PCDHA6: variants seen among roughly 807,000 people sequenced by gnomAD.
PCDHA6 encodes the protein protocadherin alpha 6, also known as protocadherin alpha-6.
A neutral mutation model predicts 60.3 loss-of-function variants in PCDHA6; 55 were observed. That is an observed-to-expected ratio of 0.91 (90% CI 0.73 to 1.14). The LOEUF (loss-of-function observed/expected upper bound fraction) is 1.14, where lower values mean the gene tolerates loss of function less well. PCDHA6 is among the 50% of genes most tolerant of loss of function. The pLI is 0.00. For synonymous variants in PCDHA6, 652 were observed against 557.9 expected, an observed-to-expected ratio of 1.17 and a Z score of -2.38; for missense variants, 1,327 against 1,256.5, an observed-to-expected ratio of 1.06 and a Z score of -0.85.
Position 140,829,036 on chromosome 5 carries a change from A to T in PCDHA6, c.945A>T (p.Leu315Phe). 4.3e-6 allele frequency: 7 copies of T among 1,613,076 alleles called. No individual in the cohort carries two copies. Among genetic ancestry groups the T allele is most frequent in the Non-Finnish European group, 5.9e-6 (7 of 1,179,022 alleles). ...ATTTGGATTTTGAACAAGAAAACTTATACAAAATCCTCATTGACGCCACGG... is the reference window on the plus strand; with the variant it reads ...ATTTGGATTTTGAACAAGAAAACTTTTACAAAATCCTCATTGACGCCACGG... Reference protein sequence around the residue: ...RGNLDFEQENLYKILIDATDK... With the variant: ...RGNLDFEQENFYKILIDATDK... Residue 315 changes from leucine to phenylalanine, a missense_variant, in exon 1 of 4, where the codon TTA becomes TTT. Transcript: ENST00000529310.
rs2150326253 is a variant in PCDHA6 at position 140,841,946 on chromosome 5, C to A, written c.2394+11461C>A. 13 of 1,613,790 alleles carry A rather than the reference C, an allele frequency of 8.1e-6. No homozygotes were observed. The highest frequency in any genetic ancestry group is 2.7e-5 in the African/African-American group (2 of 74,876). ...GGACAGAGAGGACGCTCCTGCGCAC[C>A]ACTTATTCCTGACAGCCACAGATGG... On this transcript the variant is annotated intron_variant, in intron 1 of 3. Coordinates refer to ENST00000529310, the MANE Select transcript of PCDHA6 (RefSeq NM_018909.4).
chr5:140,828,077 C>G lies in PCDHA6; in HGVS notation c.-15C>G, dbSNP rs2150150614. ...GGAAGATCTTCTAATGGAAATAAAA[C>G]CAGAGGTATTTGACATGGTGTTTAC... On this transcript the variant is annotated 5_prime_UTR_variant, in exon 1 of 4. Transcript: ENST00000529310. 2 of 1,577,254 alleles carry G rather than the reference C, an allele frequency of 1.3e-6. No homozygotes were observed. The highest frequency in any genetic ancestry group is 1.2e-5 in the South Asian group (1 of 85,056).
chr5:140,927,294 C>T (rs781944508), intron 1 of PCDHA6: 10 of 1,614,062 alleles, frequency 6.2e-6, no homozygotes, highest in South Asian at 3.3e-5. Context: ...TGCACATCCC[C>T]GAGTTCCTGA....
At chr5:140,874,111 G>A (rs977519429) in intron 1 of PCDHA6, among the ~76,000 whole-genome samples, 2 of 152,174 alleles carry the variant, frequency 1.3e-5, no homozygotes, top group African/African-American at 2.4e-5. Flanking sequence ...ATTACTTAAC[G>A]TTTTATAGTT....
chr5:140,953,960 A>G (rs2153700982), intron 1 of PCDHA6, among the ~76,000 whole-genome samples: 1 of 152,088 alleles, frequency 6.6e-6, no homozygotes, highest in South Asian at 2.1e-4. Flanking sequence ...AACAGGCCCC[A>G]GTGTGTGTTG....
At chr5:140,996,591 T>TC (rs201351256) in intron 3 of PCDHA6, among the ~76,000 whole-genome samples, 1,577 of 152,202 alleles carry the variant, frequency 0.01, 12 homozygotes, top group Middle Eastern at 0.058. Flanking sequence ...AAGGGCCGCC[T>TC]CCCCCCATTT....
At chr5:140,915,083 C>T in intron 1 of PCDHA6, among the ~76,000 whole-genome samples, 1 of 151,628 alleles carries the variant, frequency 6.6e-6, no homozygotes, top group East Asian at 1.9e-4. Flanking sequence ...GTAGCTGGGA[C>T]TATGGGCACG....
At chr5:140,938,055 T>C (rs1475337267) in intron 1 of PCDHA6, among the ~76,000 whole-genome samples, 1 of 152,232 alleles carries the variant, frequency 6.6e-6, no homozygotes, top group African/African-American at 2.4e-5. Flanking sequence ...TTTCTACATA[T>C]ACTGTCATGC....
At chr5:140,895,875 G>A (rs1277056649) in intron 1 of PCDHA6, among the ~76,000 whole-genome samples, 5 of 152,060 alleles carry the variant, frequency 3.3e-5, no homozygotes, top group African/African-American at 7.2e-5. Context: ...GCAATGGCGC[G>A]ATCTCGGCTC....
chr5:140,886,927 G>T (rs1191029252), intron 1 of PCDHA6, among the ~76,000 whole-genome samples: 1 of 151,236 alleles, frequency 6.6e-6, no homozygotes, highest in Non-Finnish European at 1.5e-5. Flanking sequence ...TTCTCTATGT[G>T]CCAGGCATGT....
At chr5:140,967,442 G>T in intron 1 of PCDHA6, 1 of 1,613,600 alleles carries the variant, frequency 6.2e-7, no homozygotes, top group Non-Finnish European at 8.5e-7. Context: ...GCACCACCTG[G>T]TTCTCACAGC....
intron 1 of PCDHA6, chr5:140,870,343 C>G (rs375366430): frequency 1.7e-5 from 28 of 1,614,042 alleles, no homozygotes; most frequent in Non-Finnish European, 2.2e-5. Context: ...CGCCCTGGAC[C>G]GCGAGAACGT....
intron 1 of PCDHA6, among the ~76,000 whole-genome samples, chr5:140,891,039 AC>A (rs143686625): frequency 0.024 from 3,682 of 152,150 alleles, 153 homozygotes; most frequent in African/African-American, 0.085. Context: ...CTTAGGTGTG[AC>A]CCCCACAGCA....
At position 140,967,456 on chromosome 5, in the gene PCDHA6, G is replaced by A. The variant is rs781877104; in HGVS notation, c.2395-11493G>A. On this transcript the variant is annotated intron_variant, in intron 1 of 3. Transcript: ENST00000529310. The stretch of plus-strand genomic sequence containing the variant: ...TGCACCACCTGGTTCTCACAGCCGT[G>A]GATGGGGGCATCCCAGCCCGCTCGG... 4.3e-6 allele frequency: 7 copies of A among 1,613,480 alleles called. No homozygotes were observed. The South Asian group carries it at 6.6e-5, about 15-fold the overall frequency.
intron 2 of PCDHA6, among the ~76,000 whole-genome samples, chr5:140,979,622 T>C (rs1300997272): frequency 6.6e-6 from 1 of 152,246 alleles, no homozygotes; most frequent in Non-Finnish European, 1.5e-5. Flanking sequence ...GGTATTAGTC[T>C]AAGACTCAGA....
intron 3 of PCDHA6, among the ~76,000 whole-genome samples, chr5:140,993,523 CAGAG>C (rs111789518): frequency 3.4e-5 from 5 of 145,668 alleles, no homozygotes; most frequent in South Asian, 2.2e-4. Flanking sequence ...GAGAGAGAGA[CAGAG>C]AGAGAGAGAG....
intron 3 of PCDHA6, among the ~76,000 whole-genome samples, chr5:140,997,668 T>TTGTGTGTGTGTGTG (rs35184029): frequency 1.7e-4 from 25 of 148,344 alleles, no homozygotes; most frequent in African/African-American, 6.2e-4. Flanking sequence ...ATTATACAGC[T>TTGTGTGTGTGTGTG]TGTGTGTGTG....
intron 1 of PCDHA6, among the ~76,000 whole-genome samples, chr5:140,893,124 CA>C (rs2063834148): frequency 2.0e-5 from 3 of 152,298 alleles, no homozygotes; most frequent in Admixed American, 1.3e-4. Flanking sequence ...ATATACACCA[CA>C]TTTTCTTTAT....
In PCDHA6 at chr5:140,830,449, G is replaced by A. The variant is rs138463634; in HGVS notation, c.2358G>A (p.Ala786=). 5.6e-6 allele frequency: 9 copies of A among 1,596,848 alleles called. No homozygotes were observed. The highest frequency in any genetic ancestry group is 4.5e-5 in the East Asian group (2 of 44,410). The part of the protein sequence containing the change: ...LSPCPIMMGK[A]ENQDLNEDHD... ...CTTGTCCTATTATGATGGGTAAGGC[G>A]GAGAATCAGGATTTAAATGAAGATC... The change falls in exon 1 of 4, where the codon GCG becomes GCA. Residue 786 remains alanine, a synonymous_variant. Transcript: ENST00000529310.
Sources: gnomAD v4.1 joint callset for allele counts (sites outside exome capture counted in the v4.1 genomes callset) on GRCh38, gnomAD v4.1.1 for gene constraint, MANE v1.5 for transcripts, NCBI Gene and HGNC (gene_info 2026-07-23, HGNC 2026-07-21) for gene names.